Variants in FBXO7 observed in about 807,000 individuals in gnomAD.
The protein encoded by FBXO7 is F-box protein 7, also known as F-box only protein 7.
FBXO7 carries 31 observed loss-of-function variants against 50.2 expected under a neutral mutation model. That is an observed-to-expected ratio of 0.62 (90% CI 0.46 to 0.83). The LOEUF (loss-of-function observed/expected upper bound fraction) is 0.83. Ranked by LOEUF, FBXO7 falls within the 40% of genes least tolerant of loss-of-function variation. FBXO7 has a pLI of 0.00. For missense variants in FBXO7, 667 were observed against 646.6 expected (o/e 1.03, Z -0.34); for synonymous variants, 256 against 253.1 (o/e 1.01, Z -0.11).
intron 5 of FBXO7, 65 bp downstream of exon 5, chr22:32,487,893 G>A: frequency 1.0e-6 from 1 of 990,146 alleles, no homozygotes; most frequent in South Asian, 1.4e-5. Context: ...AAAAAAATCT[G>A]AAAGATAATG....
chr22:32,489,421 C>G (rs1487386997), intron 5 of FBXO7: 2 of 152,210 alleles, frequency 1.3e-5, no homozygotes, highest in African/African-American at 4.8e-5. Context: ...CTACGACACT[C>G]CATATTTATC....
intron 4 of FBXO7, among the ~76,000 whole-genome samples, chr22:32,486,751 A>G (rs898480853): frequency 6.6e-6 from 1 of 152,200 alleles, no homozygotes. Flanking sequence ...TGACTGTCTG[A>G]TGACACTAGG....
rs2057489998 is a variant in FBXO7, at chr22:32,485,092, A to G, written c.670A>G (p.Met224Val). 6 of 1,614,170 alleles carry G rather than the reference A, an allele frequency of 3.7e-6. No individual in the cohort carries two copies. The highest frequency in any genetic ancestry group is 2.2e-5 in the East Asian group (1 of 44,874). The change falls in exon 4 of 9, where the codon ATG becomes GTG. Residue 224 changes from methionine to valine, a missense_variant. Transcript: ENST00000266087. ...GGGCACCGAAGCCAAAGCACTGTCC[A>G]TGCCGGAGAAGTGGAAGTTGAGCGG... is the stretch of plus-strand genomic sequence containing the variant. ...PQGTEAKALS[M>V]PEKWKLSGVY...
At chr22:32,483,857 A>T in intron 2 of FBXO7, 40 bp from the exon 3 acceptor site, 1 of 1,559,948 alleles carries the variant, frequency 6.4e-7, no homozygotes, top group Non-Finnish European at 8.8e-7. Context: ...GTGTAAAAAT[A>T]AGTCTTTAAT....
intron 5 of FBXO7, chr22:32,488,732 C>T (rs940893108): frequency 4.6e-5 from 7 of 152,174 alleles, no homozygotes; most frequent in African/African-American, 1.7e-4. Context: ...CTAACTAAAA[C>T]TGACAGGAAA....
rs2057445827 is a variant in FBXO7, at chr22:32,478,983, C to A, written c.125C>A (p.Ser42Tyr). The A allele has an allele frequency of 4.3e-6, 7 of 1,614,160 alleles. No individual in the cohort carries two copies. The East Asian group carries it at 1.6e-4, about 36-fold the overall frequency. Residue 42 changes from serine (S) to tyrosine (Y), a missense_variant and splice_region_variant, in exon 2 of 9, where the codon TCT becomes TAT. By Grantham distance (144) the Ser-to-Tyr change is moderately radical (BLOSUM62 -2). Coordinates refer to ENST00000266087, the MANE Select transcript of FBXO7 (RefSeq NM_012179.4). ...QSLLCTWGYS[S>Y]NTRFTITLNY... ...TGCTTATCTGTCTTTCTTGGCAGTT[C>A]TAATACCCGATTTACAATTACATTG...
chr22:32,474,812 C>T lies in FBXO7; in HGVS notation c.-191C>T, dbSNP rs895552426. On this transcript the variant is annotated 5_prime_UTR_variant, in exon 1 of 9. Coordinates refer to ENST00000266087, the MANE Select transcript of FBXO7 (RefSeq NM_012179.4). ...GGCGCCCTCAGGAGAGGGGCGGGCG[C>T]TCTATTCCAGAGACCGAGTGGCAGG... The T allele has an allele frequency of 4.5e-5, 27 of 599,500 alleles. No individual in the cohort carries two copies. The highest frequency in any genetic ancestry group is 6.2e-5 in the Non-Finnish European group (22 of 355,034). The allele number at this position is 599,500 out of a possible 1,614,324, so 37.1% of individuals were successfully genotyped here.
intron 5 of FBXO7, chr22:32,490,809 A>G (rs960634059): frequency 7.3e-6 from 3 of 411,642 alleles, no homozygotes; most frequent in African/African-American, 6.1e-5. Flanking sequence ...GTATGTATGA[A>G]TCTCTCACAA....
In FBXO7 at chr22:32,474,950, C is replaced by T. The variant is rs1300395883; in HGVS notation, c.-53C>T. ...GGGCGGGAGCTGCTCGGCCCCGCCG[C>T]CGTCCCCGTCGCCGCTTCCGGGTCC... On this transcript the variant is annotated 5_prime_UTR_variant, in exon 1 of 9. Transcript: ENST00000266087. 104 of 1,495,566 alleles carry T rather than the reference C, an allele frequency of 7.0e-5. No individual in the cohort carries two copies. Among genetic ancestry groups the T allele is most frequent in the Non-Finnish European group, 9.1e-5 (102 of 1,124,924 alleles). 92.6% of individuals were successfully genotyped at this position (1,495,566 alleles called of 1,614,324 possible). A position where few individuals can be genotyped will look rare whatever the true frequency, so the allele number is the denominator to read the frequency against.
rs2057591657 is a variant in FBXO7, at chr22:32,498,425, TC to T, written c.1466del (p.Pro489GlnfsTer36). The T allele has an allele frequency of 6.2e-7, 1 of 1,614,200 alleles. No individual in the cohort carries two copies. The highest frequency in any genetic ancestry group is 8.5e-7 in the Non-Finnish European group (1 of 1,180,022). ...CACGCTTTGATCCAGTTGGCCCACT[TC>T]CAGGACCTAACCCCATCTTGCCAGG... The part of the protein sequence containing the change: ...RPRFDPVGPL[P>X]GPNPILPGRG... On this transcript the variant is annotated frameshift_variant, in exon 9 of 9. Transcript: ENST00000266087. LOFTEE classifies it high-confidence loss of function.
intron 4 of FBXO7, among the ~76,000 whole-genome samples, chr22:32,486,141 A>G (rs555725290): frequency 3.3e-5 from 5 of 152,256 alleles, no homozygotes; most frequent in Non-Finnish European, 5.9e-5. Flanking sequence ...AAAGTTAGGT[A>G]GAAGCCCTAT....
chr22:32,494,236 C>G (rs1185344560), intron 7 of FBXO7, among the ~76,000 whole-genome samples: 1 of 150,936 alleles, frequency 6.6e-6, no homozygotes, highest in Admixed American at 6.6e-5. Flanking sequence ...TTCTTTGATT[C>G]CTGAGGTCCT....
Position 32,495,592 on chromosome 22 carries a change from T to C in FBXO7, c.1182+62T>C, listed in dbSNP as rs915638316. The stretch of plus-strand genomic sequence containing the variant: ...CACAGAAATGACTAGTGAATTAATA[T>C]ATTAAGGGTATATTTTCACTTTTAT... On this transcript the variant is annotated intron_variant, in intron 8 of 8. Coordinates refer to ENST00000266087, the MANE Select transcript of FBXO7 (RefSeq NM_012179.4). The C allele has an allele frequency of 3.1e-5, 27 of 860,346 alleles. No individual in the cohort carries two copies. The Admixed American group carries it at 6.4e-4, about 20-fold the overall frequency. The allele number at this position is 860,346 out of a possible 1,614,324, so 53.3% of individuals were successfully genotyped here.
At chr22:32,481,925 T>C (rs1411641356) in intron 2 of FBXO7, among the ~76,000 whole-genome samples, 1 of 151,986 alleles carries the variant, frequency 6.6e-6, no homozygotes, top group African/African-American at 2.4e-5. Flanking sequence ...TTGATAAATA[T>C]TCATATCAGA....
In FBXO7 at chr22:32,498,771, C is replaced by T. The variant is rs191188063; in HGVS notation, c.*241C>T. The T allele has an allele frequency of 5.5e-5, 31 of 566,540 alleles. No individual in the cohort carries two copies. The highest frequency in any genetic ancestry group is 9.4e-4 in the Middle Eastern group (2 of 2,128). The allele number at this position is 566,540 out of a possible 1,614,324, so 35.1% of individuals were successfully genotyped here. ...CAATCTCCCTGCTCTTGGTTCTCCT[C>T]TAGATTGAAGTTTGTTTTCTGATGC... On this transcript the variant is annotated 3_prime_UTR_variant, in exon 9 of 9. Coordinates refer to ENST00000266087, the MANE Select transcript of FBXO7 (RefSeq NM_012179.4).
At chr22:32,497,758 C>T (rs942346811) in intron 8 of FBXO7, among the ~76,000 whole-genome samples, 5 of 152,144 alleles carry the variant, frequency 3.3e-5, no homozygotes, top group Admixed American at 3.3e-4. Context: ...AAGAAATTGC[C>T]ACAGCCACTT....
intron 5 of FBXO7, chr22:32,488,640 G>A (rs774517341): frequency 1.3e-5 from 2 of 152,260 alleles, no homozygotes; most frequent in African/African-American, 4.8e-5. Flanking sequence ...AGGCTGGCTA[G>A]ATTGACATTG....
Position 32,487,813 on chromosome 22 carries a change from T to C in FBXO7, c.856T>C (p.Cys286Arg). The change falls in exon 5 of 9, where the codon TGC (cysteine) becomes CGC (arginine). Residue 286 changes from cysteine (C) to arginine (R), a missense_variant. Coordinates refer to ENST00000266087, the MANE Select transcript of FBXO7 (RefSeq NM_012179.4). Reference protein sequence around the residue: ...RLQLLPESFICKEKLGENVAN... With the variant: ...RLQLLPESFIRKEKLGENVAN... ...GCAGCTGCTACCAGAATCTTTTATT[T>C]GCAAAGAGAAACTAGGTAATACAAA... 5 of 1,604,704 alleles carry C rather than the reference T, an allele frequency of 3.1e-6. No homozygotes were observed. Among genetic ancestry groups the C allele is most frequent in the Non-Finnish European group, 4.3e-6 (5 of 1,172,066 alleles).
At chr22:32,492,668 A>C (rs1224183373) in intron 6 of FBXO7, 1 of 230,550 alleles carries the variant, frequency 4.3e-6, no homozygotes, top group Non-Finnish European at 8.6e-6. Context: ...AGATGAAATT[A>C]AGATAGCATT....
Sources: allele counts gnomAD v4.1 joint callset (sites outside exome capture counted in the v4.1 genomes callset), GRCh38; gene constraint gnomAD v4.1.1; transcripts MANE v1.5; gene names NCBI Gene and HGNC (gene_info 2026-07-23, HGNC 2026-07-21).